The following CACNA2D3 variants were observed in gnomAD, a reference collection of about 807,000 sequenced individuals.
CACNA2D3 encodes the protein calcium voltage-gated channel auxiliary subunit alpha2delta 3, also known as voltage-dependent calcium channel subunit alpha-2/delta-3.
In CACNA2D3, 60 loss-of-function variants were observed where a neutral mutation model predicts 160.6. The observed-to-expected ratio is 0.37, with a 90% CI of 0.30 to 0.46. CACNA2D3 has a LOEUF of 0.46. Ranked by LOEUF, CACNA2D3 falls within the 20% of genes least tolerant of loss-of-function variation. The probability of loss-of-function intolerance (pLI) is 1.00; values close to 1 mark genes in which losing one functional copy is unlikely to be tolerated. For missense variants in CACNA2D3, 1,205 were observed against 1,365.0 expected, an observed-to-expected ratio of 0.88 and a Z score of 1.85; for synonymous variants, 558 against 492.9, an observed-to-expected ratio of 1.13 and a Z score of -1.75.
chr3:55,042,295 TA>T (rs1260839432), intron 35 of CACNA2D3, among the ~76,000 whole-genome samples: 1 of 152,176 alleles, frequency 6.6e-6, no homozygotes, highest in Non-Finnish European at 1.5e-5. Context: ...CTTTAGTCTG[TA>T]AATTTTTGTT....
At chr3:54,956,854 A>G (rs975741267) in intron 27 of CACNA2D3, among the ~76,000 whole-genome samples, 1 of 151,996 alleles carries the variant, frequency 6.6e-6, no homozygotes, top group Non-Finnish European at 1.5e-5. Flanking sequence ...TCTGACAGAA[A>G]AGAACACCGA....
chr3:54,935,816 G>A (rs894378643), intron 27 of CACNA2D3, among the ~76,000 whole-genome samples: 1 of 152,044 alleles, frequency 6.6e-6, no homozygotes, highest in Non-Finnish European at 1.5e-5. Flanking sequence ...TTCTCTTTAA[G>A]GTTTGTTCTA....
intron 2 of CACNA2D3, among the ~76,000 whole-genome samples, chr3:54,170,733 CT>C (rs1357481886): frequency 6.6e-6 from 1 of 152,116 alleles, no homozygotes; most frequent in Non-Finnish European, 1.5e-5. Context: ...TCAGTAGAAG[CT>C]TTTTATATAA....
intron 27 of CACNA2D3, among the ~76,000 whole-genome samples, chr3:54,902,553 A>C (rs1700359773): frequency 6.6e-6 from 1 of 152,108 alleles, no homozygotes. Flanking sequence ...GCATTTTCTT[A>C]ATTGCTTTCC....
chr3:54,465,155 A>G (rs1305089559), intron 4 of CACNA2D3, among the ~76,000 whole-genome samples: 3 of 149,404 alleles, frequency 2.0e-5, no homozygotes, highest in Non-Finnish European at 4.5e-5. Flanking sequence ...ATTCAGTTGC[A>G]TTTTTATTTC....
At chr3:54,983,974 A>G (rs530573199) in intron 29 of CACNA2D3, among the ~76,000 whole-genome samples, 66 of 152,306 alleles carry the variant, frequency 4.3e-4, no homozygotes, top group African/African-American at 1.5e-3. Context: ...TCTACAATTT[A>G]TAAGTCTGAG....
intron 33 of CACNA2D3, 35 bp from the exon 34 acceptor site, chr3:55,009,353 C>T (rs370337887): frequency 8.2e-6 from 13 of 1,593,704 alleles, no homozygotes; most frequent in Middle Eastern, 1.7e-4. Flanking sequence ...GCATGGATGA[C>T]GAAGTAACAT....
intron 4 of CACNA2D3, among the ~76,000 whole-genome samples, chr3:54,406,787 C>G (rs1167245330): frequency 6.6e-6 from 1 of 151,776 alleles, no homozygotes; most frequent in Non-Finnish European, 1.5e-5. Flanking sequence ...GTATTCCGGA[C>G]TTTGGTTAAG....
chr3:54,965,381 C>G (rs1438555016), intron 27 of CACNA2D3, among the ~76,000 whole-genome samples: 2 of 152,172 alleles, frequency 1.3e-5, no homozygotes, highest in Non-Finnish European at 2.9e-5. Context: ...CCTTCCCCTC[C>G]CTTACTGTTT....
At chr3:54,168,121 G>A (rs1288395880) in intron 2 of CACNA2D3, among the ~76,000 whole-genome samples, 1 of 152,068 alleles carries the variant, frequency 6.6e-6, no homozygotes, top group Non-Finnish European at 1.5e-5. Flanking sequence ...CTTCAGTAGA[G>A]CCAGCTCAGG....
In CACNA2D3 at chr3:54,225,803, A is replaced by G. The variant is rs1002794729; in HGVS notation, c.205-94639A>G. On this transcript the variant is annotated intron_variant, in intron 2 of 37. Coordinates refer to ENST00000474759, the MANE Select transcript of CACNA2D3 (RefSeq NM_018398.3). ...TTTTTTTTTTCTCTTGGCCCTGTGTATTGATATGCTCAGCAACTTCAGACT... is the reference window on the plus strand; with the variant it reads ...TTTTTTTTTTCTCTTGGCCCTGTGTGTTGATATGCTCAGCAACTTCAGACT... 7.3e-5 allele frequency among the ~76,000 whole-genome samples: 11 copies of G among 149,942 alleles called. 1 individual carries two copies. The highest frequency in any genetic ancestry group is 5.9e-5 in the Non-Finnish European group (4 of 67,632).
At chr3:54,425,723 A>G (rs1699903052) in intron 4 of CACNA2D3, among the ~76,000 whole-genome samples, 2 of 152,206 alleles carry the variant, frequency 1.3e-5, no homozygotes, top group Admixed American at 1.3e-4. Flanking sequence ...GTGTCAGTGA[A>G]CCAGCACTGA....
At chr3:54,264,920 T>C (rs1212875149) in intron 2 of CACNA2D3, among the ~76,000 whole-genome samples, 1 of 152,212 alleles carries the variant, frequency 6.6e-6, no homozygotes, top group African/African-American at 2.4e-5. Flanking sequence ...GAACTCATTC[T>C]TTTTTATGGC....
intron 30 of CACNA2D3, among the ~76,000 whole-genome samples, chr3:54,985,546 C>G (rs1702596355): frequency 6.6e-6 from 1 of 152,142 alleles, no homozygotes; most frequent in Non-Finnish European, 1.5e-5. Flanking sequence ...TCAGCAAGTT[C>G]CTTAACTTGT....
intron 2 of CACNA2D3, among the ~76,000 whole-genome samples, chr3:54,285,168 T>C (rs1432590392): frequency 6.6e-6 from 1 of 152,096 alleles, no homozygotes; most frequent in Non-Finnish European, 1.5e-5. Flanking sequence ...GTCAGGGAGT[T>C]CCCTTTCCTA....
At chr3:54,257,659 G>A (rs372663053) in intron 2 of CACNA2D3, among the ~76,000 whole-genome samples, 1 of 152,106 alleles carries the variant, frequency 6.6e-6, no homozygotes, top group Non-Finnish European at 1.5e-5. Flanking sequence ...GTGAAAGAGG[G>A]AGTTTGCTGG....
intron 8 of CACNA2D3, among the ~76,000 whole-genome samples, chr3:54,579,012 G>A (rs988345796): frequency 2.0e-5 from 3 of 152,120 alleles, no homozygotes; most frequent in South Asian, 2.1e-4. Flanking sequence ...GTGAGTACAC[G>A]GTAGAGGCAG....
chr3:54,436,184 T>C (rs1700057022), intron 4 of CACNA2D3, among the ~76,000 whole-genome samples: 1 of 152,102 alleles, frequency 6.6e-6, no homozygotes, highest in African/African-American at 2.4e-5. Context: ...AAAAAACTCA[T>C]CATCACTGGT....
At chr3:54,195,147 C>A (rs978827552) in intron 2 of CACNA2D3, among the ~76,000 whole-genome samples, 1 of 152,202 alleles carries the variant, frequency 6.6e-6, no homozygotes, top group Non-Finnish European at 1.5e-5. Flanking sequence ...AGTCCCGCCT[C>A]CCAGAGGTCC....
Sources: gnomAD v4.1 joint callset for allele counts (sites outside exome capture counted in the v4.1 genomes callset) on GRCh38, gnomAD v4.1.1 for gene constraint, MANE v1.5 for transcripts, NCBI Gene and HGNC (gene_info 2026-07-23, HGNC 2026-07-21) for gene names.